CADM2: variants seen among roughly 807,000 people sequenced by gnomAD.
CADM2 encodes immunoglobulin superfamily member 4D.
A neutral mutation model predicts 49.8 loss-of-function variants in CADM2; 12 were observed. The ratio of observed to expected loss-of-function variants is 0.24; its 90% CI spans 0.15 to 0.39. The LOEUF is 0.39. Ranked by LOEUF, CADM2 falls within the 10% of genes least tolerant of loss-of-function variation. CADM2 has a pLI of 1.00. For synonymous variants in CADM2, 214 were observed against 175.4 expected, an observed-to-expected ratio of 1.22 and a Z score of -1.74; for missense variants, 378 against 492.3, an observed-to-expected ratio of 0.77 and a Z score of 2.20.
chr3:85,290,397 A>G (rs2043755989), intron 1 of CADM2, among the ~76,000 whole-genome samples: 1 of 152,182 alleles, frequency 6.6e-6, no homozygotes, highest in Non-Finnish European at 1.5e-5. Context: ...TGCTTAGGTA[A>G]ACAAAGCAGC....
chr3:85,030,189 T>C (rs1196921875), intron 1 of CADM2, among the ~76,000 whole-genome samples: 2 of 152,206 alleles, frequency 1.3e-5, no homozygotes, highest in Non-Finnish European at 2.9e-5. Flanking sequence ...TAGTTTCGCC[T>C]CTTGAAACAC....
chr3:85,538,051 A>C (rs951141077), intron 1 of CADM2, among the ~76,000 whole-genome samples: 1 of 152,096 alleles, frequency 6.6e-6, no homozygotes, highest in East Asian at 1.9e-4. Flanking sequence ...TCTAAAAATT[A>C]TATTGTTCTT....
intron 8 of CADM2, among the ~76,000 whole-genome samples, chr3:86,051,616 A>T (rs1319199069): frequency 6.6e-6 from 1 of 152,190 alleles, no homozygotes; most frequent in Non-Finnish European, 1.5e-5. Context: ...ACAGTTCCAC[A>T]GGCTGTACAG....
At chr3:85,284,601 A>G (rs377232539) in intron 1 of CADM2, among the ~76,000 whole-genome samples, 1 of 152,156 alleles carries the variant, frequency 6.6e-6, no homozygotes, top group African/African-American at 2.4e-5. Context: ...TAAGGGAGGA[A>G]CATTCCCAGC....
chr3:85,925,972 T>C (rs1577680819), intron 6 of CADM2, among the ~76,000 whole-genome samples: 1 of 151,420 alleles, frequency 6.6e-6, no homozygotes, highest in Admixed American at 6.6e-5. Flanking sequence ...CCCGTCTCTA[T>C]TAAAAATATA....
In CADM2 at chr3:85,718,087, G is replaced by A. The variant is rs192318563; in HGVS notation, c.62-8435G>A. Among the ~76,000 whole-genome samples, 130 of 152,166 alleles carry A rather than the reference G, an allele frequency of 8.5e-4. No individual in the cohort carries two copies. The South Asian group carries it at 9.5e-3, about 11-fold the overall frequency. ...GTCCAGCCAGAAGTTAGTTTTTTAA[G>A]GATGTGTCAATAAATATTTCTTACA... On this transcript the variant is annotated intron_variant, in intron 1 of 9. Transcript: ENST00000383699.
At chr3:85,061,931 T>C (rs2036333709) in intron 1 of CADM2, among the ~76,000 whole-genome samples, 1 of 151,494 alleles carries the variant, frequency 6.6e-6, no homozygotes, top group Non-Finnish European at 1.5e-5. Context: ...CTTAAAAACA[T>C]ACTATCAGAA....
chr3:85,985,083 G>T (rs986869849), intron 8 of CADM2, among the ~76,000 whole-genome samples: 8 of 151,842 alleles, frequency 5.3e-5, no homozygotes, highest in African/African-American at 1.9e-4. Context: ...TAGTTGCCTT[G>T]GTCTGTTTGG....
chr3:85,335,464 A>G (rs1441948197), intron 1 of CADM2, among the ~76,000 whole-genome samples: 1 of 151,498 alleles, frequency 6.6e-6, no homozygotes, highest in African/African-American at 2.4e-5. Context: ...GTACATATTT[A>G]TGGTGTACAG....
intron 1 of CADM2, among the ~76,000 whole-genome samples, chr3:85,150,701 A>G (rs372378487): frequency 6.6e-6 from 1 of 151,712 alleles, no homozygotes. Flanking sequence ...TCAGGAGTTC[A>G]AGAGCAGCCT....
At chr3:85,187,939 A>G (rs1431204497) in intron 1 of CADM2, among the ~76,000 whole-genome samples, 7 of 152,020 alleles carry the variant, frequency 4.6e-5, no homozygotes, top group Non-Finnish European at 1.0e-4. Context: ...ATCTTTTCTT[A>G]TAAGTCAATA....
chr3:85,544,243 A>C (rs2061611724), intron 1 of CADM2, among the ~76,000 whole-genome samples: 1 of 152,164 alleles, frequency 6.6e-6, no homozygotes, highest in Admixed American at 6.5e-5. Flanking sequence ...GGAAGGCTGA[A>C]GGAGGCCCAT....
intron 1 of CADM2, among the ~76,000 whole-genome samples, chr3:85,598,020 T>A (rs1295119884): frequency 6.6e-6 from 1 of 152,072 alleles, no homozygotes; most frequent in Non-Finnish European, 1.5e-5. Flanking sequence ...TTAGCAATTT[T>A]ACATATAGCT....
intron 1 of CADM2, among the ~76,000 whole-genome samples, chr3:85,359,463 G>T (rs1211711050): frequency 2.0e-5 from 3 of 150,996 alleles, no homozygotes; most frequent in Non-Finnish European, 3.0e-5. Context: ...ATGGCAAGTT[G>T]TGTCCTATAG....
intron 3 of CADM2, among the ~76,000 whole-genome samples, chr3:85,866,219 TAAGA>T (rs1256308289): frequency 6.6e-6 from 1 of 152,206 alleles, no homozygotes; most frequent in Non-Finnish European, 1.5e-5. Context: ...AACATTTTAC[TAAGA>T]AAGGTAAAAT....
chr3:85,175,166 A>C (rs899435452), intron 1 of CADM2, among the ~76,000 whole-genome samples: 3 of 152,216 alleles, frequency 2.0e-5, no homozygotes, highest in African/African-American at 7.2e-5. Context: ...GTAAGGATGC[A>C]GAGATACTGA....
intron 8 of CADM2, among the ~76,000 whole-genome samples, chr3:86,035,895 A>G (rs887608524): frequency 2.6e-5 from 4 of 152,076 alleles, no homozygotes; most frequent in African/African-American, 9.7e-5. Flanking sequence ...GGCAGATTCA[A>G]TTCTTGCTGA....
intron 1 of CADM2, among the ~76,000 whole-genome samples, chr3:85,296,527 C>G (rs1428519551): frequency 6.6e-6 from 1 of 151,836 alleles, no homozygotes; most frequent in African/African-American, 2.4e-5. Context: ...GGCCAGATAT[C>G]AAAGCCTTCA....
intron 2 of CADM2, among the ~76,000 whole-genome samples, chr3:85,761,181 G>T (rs571558303): frequency 6.6e-6 from 1 of 152,060 alleles, no homozygotes; most frequent in South Asian, 2.1e-4. Context: ...GGACTATTTT[G>T]TGTCCTTCTG....
Sources: allele counts gnomAD v4.1 joint callset (sites outside exome capture counted in the v4.1 genomes callset), GRCh38; gene constraint gnomAD v4.1.1; transcripts MANE v1.5; gene names NCBI Gene and HGNC (gene_info 2026-07-23, HGNC 2026-07-21).